The following CPEB3 variants were observed in gnomAD, a reference collection of about 807,000 sequenced individuals.
CPEB3 encodes the protein cytoplasmic polyadenylation element-binding protein 3.
Under a neutral mutation model 67.2 loss-of-function variants are expected in CPEB3, and 20 were observed. The observed-to-expected ratio is 0.30, with a 90% CI of 0.21 to 0.43. The LOEUF (loss-of-function observed/expected upper bound fraction) is 0.43, where lower values mean the gene tolerates loss of function less well. Ranked by LOEUF, CPEB3 falls within the 20% of genes least tolerant of loss-of-function variation. CPEB3 has a pLI of 1.00. For synonymous variants in CPEB3, 376 were observed against 393.1 expected (o/e 0.96, Z 0.51); for missense variants, 746 against 968.6 (o/e 0.77, Z 3.05).
chr10:92,102,238 C>T (rs1844225269), intron 7 of CPEB3, among the ~76,000 whole-genome samples: 2 of 152,164 alleles, frequency 1.3e-5, no homozygotes, highest in Non-Finnish European at 2.9e-5. Context: ...CTGGGTAGCT[C>T]TGGGGGCTTC....
chr10:92,277,881 A>T (rs1243392530), intron 1 of CPEB3, among the ~76,000 whole-genome samples: 2 of 133,224 alleles, frequency 1.5e-5, no homozygotes, highest in African/African-American at 5.7e-5. Flanking sequence ...ACAGAGCAAG[A>T]CTCTGTCTTA....
intron 6 of CPEB3, among the ~76,000 whole-genome samples, chr10:92,115,142 C>T (rs555481713): frequency 3.4e-4 from 52 of 152,336 alleles, no homozygotes; most frequent in Non-Finnish European, 6.2e-4. Flanking sequence ...GGGCCACCAC[C>T]GACCGCCTCA....
intron 6 of CPEB3, among the ~76,000 whole-genome samples, chr10:92,119,658 G>C (rs1400147207): frequency 6.6e-6 from 1 of 152,106 alleles, no homozygotes. Context: ...GAGAGGTGAG[G>C]GTGGAGGGGA....
intron 5 of CPEB3, among the ~76,000 whole-genome samples, chr10:92,144,532 C>T (rs898661103): frequency 6.6e-6 from 1 of 152,164 alleles, no homozygotes; most frequent in Non-Finnish European, 1.5e-5. Flanking sequence ...TCCCAAAGTA[C>T]TGGGATTACG....
intron 9 of CPEB3, among the ~76,000 whole-genome samples, chr10:92,077,281 A>G (rs1842972063): frequency 6.6e-6 from 1 of 152,236 alleles, no homozygotes. Flanking sequence ...TGAAAGGTGT[A>G]GTTAACAGAA....
At chr10:92,274,696 C>T (rs1841895903) in intron 1 of CPEB3, among the ~76,000 whole-genome samples, 1 of 152,060 alleles carries the variant, frequency 6.6e-6, no homozygotes, top group African/African-American at 2.4e-5. Context: ...CAAAAATTAG[C>T]TGGGTGTGGT....
chr10:92,137,912 AT>A (rs1846188316), intron 6 of CPEB3: 1 of 162,308 alleles, frequency 6.2e-6, no homozygotes, highest in South Asian at 1.7e-4. Context: ...AGGCAGGAGA[AT>A]GGCATGAACC....
intron 2 of CPEB3, among the ~76,000 whole-genome samples, chr10:92,202,397 T>C (rs991879660): frequency 1.1e-4 from 16 of 150,848 alleles, no homozygotes; most frequent in African/African-American, 3.7e-4. Context: ...CAAATGCCTA[T>C]CAACTGGTAA....
chr10:92,177,867 G>A (rs1327967972), intron 4 of CPEB3, among the ~76,000 whole-genome samples: 1 of 152,140 alleles, frequency 6.6e-6, no homozygotes, highest in Non-Finnish European at 1.5e-5. Flanking sequence ...TTTTGGTGAG[G>A]TCAAGAAAGT....
At chr10:92,247,737 T>G (rs1852131225) in intron 1 of CPEB3, among the ~76,000 whole-genome samples, 1 of 152,120 alleles carries the variant, frequency 6.6e-6, no homozygotes, top group African/African-American at 2.4e-5. Context: ...GGTCTCGAAC[T>G]CTTGACCTCA....
chr10:92,153,291 GT>G (rs1459183983), intron 4 of CPEB3, among the ~76,000 whole-genome samples: 3 of 152,252 alleles, frequency 2.0e-5, no homozygotes, highest in African/African-American at 7.2e-5. Flanking sequence ...ACACGAGTTT[GT>G]TTGATTGGAT....
At chr10:92,154,189 T>A (rs931245371) in intron 4 of CPEB3, among the ~76,000 whole-genome samples, 1 of 152,180 alleles carries the variant, frequency 6.6e-6, no homozygotes, top group East Asian at 1.9e-4. Flanking sequence ...GGGGTTGCAG[T>A]TGTATAGGAG....
chr10:92,070,203 GAAA>G (rs1842702028), intron 9 of CPEB3, among the ~76,000 whole-genome samples: 1 of 152,150 alleles, frequency 6.6e-6, no homozygotes. Context: ...ACAAATTTGT[GAAA>G]AACTGCATAT....
chr10:92,179,430 C>T (rs572126839), intron 4 of CPEB3, among the ~76,000 whole-genome samples: 1 of 152,320 alleles, frequency 6.6e-6, no homozygotes, highest in African/African-American at 2.4e-5. Context: ...GATACACACT[C>T]ATTCCTTCAG....
intron 3 of CPEB3, among the ~76,000 whole-genome samples, chr10:92,188,282 T>G (rs1848788166): frequency 8.1e-6 from 1 of 124,062 alleles, no homozygotes; most frequent in Non-Finnish European, 1.6e-5. Flanking sequence ...CTCTGAGGCA[T>G]TCTCTCAAAC....
intron 2 of CPEB3, among the ~76,000 whole-genome samples, chr10:92,223,890 A>G (rs892013020): frequency 2.6e-5 from 4 of 151,886 alleles, no homozygotes; most frequent in Non-Finnish European, 5.9e-5. Context: ...CTGGGATTAC[A>G]GGCGCCTGCC....
intron 8 of CPEB3, among the ~76,000 whole-genome samples, chr10:92,089,552 C>T (rs181129124): frequency 8.0e-4 from 121 of 152,104 alleles, no homozygotes; most frequent in Non-Finnish European, 1.2e-3. Context: ...TTTGGGAGGC[C>T]GAGGCGGGTG....
intron 2 of CPEB3, among the ~76,000 whole-genome samples, chr10:92,213,506 T>C: frequency 6.6e-6 from 1 of 152,218 alleles, no homozygotes; most frequent in East Asian, 1.9e-4. Context: ...CTTATTTCGG[T>C]TCCTGGAATG....
intron 1 of CPEB3, among the ~76,000 whole-genome samples, chr10:92,279,752 A>T (rs1480485725): frequency 6.6e-6 from 1 of 152,236 alleles, no homozygotes; most frequent in Admixed American, 6.5e-5. Flanking sequence ...CAATAAAAAT[A>T]AAAACTAGGG....
Sources: gnomAD v4.1 joint callset for allele counts (sites outside exome capture counted in the v4.1 genomes callset) on GRCh38, gnomAD v4.1.1 for gene constraint, MANE v1.5 for transcripts, NCBI Gene and HGNC (gene_info 2026-07-23, HGNC 2026-07-21) for gene names.